NIPBL: variants seen among roughly 807,000 people sequenced by gnomAD.
The protein encoded by NIPBL is nipped-B-like protein.
A neutral mutation model predicts 321.8 loss-of-function variants in NIPBL; 19 were observed. The observed-to-expected ratio is 0.06, with a 90% CI of 0.04 to 0.09. The LOEUF is 0.09. Ranked by LOEUF, NIPBL falls within the 10% of genes least tolerant of loss-of-function variation. The pLI is 1.00. For synonymous variants in NIPBL, 1,106 were observed against 1,114.1 expected (o/e 0.99, Z 0.14); for missense variants, 2,210 against 3,327.0 (o/e 0.66, Z 8.26).
At chr5:36,886,783 C>G in intron 1 of NIPBL, among the ~76,000 whole-genome samples, 1 of 151,452 alleles carries the variant, frequency 6.6e-6, no homozygotes, top group East Asian at 1.9e-4. Context: ...GTTTCCTGCT[C>G]CTACTGCAGC....
chr5:36,995,565 A>G (rs1397849311), intron 10 of NIPBL, 57 bp from the exon 11 acceptor site: 1 of 1,234,390 alleles, frequency 8.1e-7, no homozygotes. Context: ...CTTAGTTAAA[A>G]TTTTCCTTTT....
intron 43 of NIPBL, among the ~76,000 whole-genome samples, 168 bp from the exon 44 acceptor site, chr5:37,058,723 A>G (rs1182533241): frequency 6.6e-6 from 1 of 152,190 alleles, no homozygotes; most frequent in Non-Finnish European, 1.5e-5. Context: ...AATTTTATTT[A>G]GTTTTAGAAA....
At chr5:36,923,777 A>G (rs904398793) in intron 1 of NIPBL, among the ~76,000 whole-genome samples, 7 of 152,202 alleles carry the variant, frequency 4.6e-5, no homozygotes, top group African/African-American at 1.7e-4. Context: ...AGGCCCAATC[A>G]ACACCCTGAG....
chr5:36,914,155 C>G (rs1561379319), intron 1 of NIPBL, among the ~76,000 whole-genome samples: 2 of 152,196 alleles, frequency 1.3e-5, no homozygotes, highest in Non-Finnish European at 2.9e-5. Flanking sequence ...TGAAATGACA[C>G]CCAGGTCATT....
At chr5:37,062,159 C>T (rs960222858) in intron 45 of NIPBL, among the ~76,000 whole-genome samples, 16 of 152,140 alleles carry the variant, frequency 1.1e-4, no homozygotes, top group African/African-American at 3.9e-4. Context: ...TTTATTGTGG[C>T]ATTTTCCAAA....
chr5:37,061,168 A>G (rs994136706), intron 45 of NIPBL, 150 bp downstream of exon 45: 2 of 635,618 alleles, frequency 3.1e-6, no homozygotes, highest in Non-Finnish European at 5.4e-6. Context: ...TATTTTAATG[A>G]GTTACTTTAA....
chr5:36,932,138 T>C (rs551253913), intron 1 of NIPBL, among the ~76,000 whole-genome samples: 3 of 152,218 alleles, frequency 2.0e-5, no homozygotes, highest in Non-Finnish European at 4.4e-5. Flanking sequence ...GTTGTAAATT[T>C]AATGAGATTT....
At chr5:36,879,756 A>T (rs931098060) in intron 1 of NIPBL, among the ~76,000 whole-genome samples, 1 of 152,144 alleles carries the variant, frequency 6.6e-6, no homozygotes, top group Non-Finnish European at 1.5e-5. Context: ...AGGAAATTTC[A>T]ACAATGTCGC....
At chr5:36,908,561 TACC>T (rs1247491269) in intron 1 of NIPBL, among the ~76,000 whole-genome samples, 10 of 152,170 alleles carry the variant, frequency 6.6e-5, no homozygotes, top group Middle Eastern at 3.2e-3. Context: ...GTAGAATTGG[TACC>T]ACAAGGAAAT....
intron 38 of NIPBL, among the ~76,000 whole-genome samples, chr5:37,047,529 A>G (rs936518938): frequency 2.0e-5 from 3 of 152,328 alleles, no homozygotes; most frequent in East Asian, 3.9e-4. Flanking sequence ...AATTGATGCA[A>G]TATTAACTTC....
chr5:37,024,505 C>T lies in NIPBL; in HGVS notation c.5575-80C>T, dbSNP rs1039052821. 6.7e-6 allele frequency: 8 copies of T among 1,189,602 alleles called. No homozygotes were observed. In the South Asian group the frequency reaches 6.7e-5, roughly 10 times the overall value. 73.7% of individuals were successfully genotyped at this position (1,189,602 alleles called of 1,614,324 possible). A position where few individuals can be genotyped will look rare whatever the true frequency, so the allele number is the denominator to read the frequency against. ...ATGTTAACAAATAGTGAATATACTG[C>T]GTATGGATACTTATTTTCTAATTTC... On this transcript the variant is annotated intron_variant, in intron 29 of 46. Coordinates refer to ENST00000282516, the MANE Select transcript of NIPBL (RefSeq NM_133433.4).
intron 1 of NIPBL, among the ~76,000 whole-genome samples, chr5:36,951,345 T>A (rs1191887019): frequency 6.6e-6 from 1 of 152,224 alleles, no homozygotes; most frequent in Admixed American, 6.5e-5. Flanking sequence ...CATATTACTC[T>A]CTTTAGGTTC....
intron 1 of NIPBL, among the ~76,000 whole-genome samples, chr5:36,884,124 A>G (rs1323753395): frequency 6.6e-6 from 1 of 152,008 alleles, no homozygotes; most frequent in East Asian, 1.9e-4. Context: ...ATTTAACTCT[A>G]CTAATCTTTT....
At chr5:36,920,015 G>T (rs969675558) in intron 1 of NIPBL, among the ~76,000 whole-genome samples, 1 of 151,820 alleles carries the variant, frequency 6.6e-6, no homozygotes, top group Non-Finnish European at 1.5e-5. Context: ...ATTTTTTATG[G>T]CAATAGTATT....
chr5:37,035,702 A>G (rs1192808085), intron 32 of NIPBL, among the ~76,000 whole-genome samples: 4 of 152,234 alleles, frequency 2.6e-5, no homozygotes, highest in African/African-American at 7.2e-5. Context: ...ATTTAACAGC[A>G]GTGGAACTCT....
At chr5:37,032,426 T>TGTGTA in intron 32 of NIPBL, among the ~76,000 whole-genome samples, 1 of 147,528 alleles carries the variant, frequency 6.8e-6, no homozygotes. Context: ...TGTGTGTGTG[T>TGTGTA]GTGTGTGTGT....
At chr5:36,958,021 C>A in intron 3 of NIPBL, 83 bp from the exon 4 acceptor site, 1 of 1,358,680 alleles carries the variant, frequency 7.4e-7, no homozygotes, top group Non-Finnish European at 1.0e-6. Context: ...TTGGCCATAC[C>A]AGTGTGATTT....
intron 38 of NIPBL, 106 bp downstream of exon 38, chr5:37,046,305 G>A: frequency 2.8e-6 from 2 of 727,134 alleles, no homozygotes; most frequent in African/African-American, 1.8e-5. Context: ...GTTTCTATTA[G>A]CAGTAGGATT....
At chr5:37,055,560 G>A (rs941472982) in intron 42 of NIPBL, among the ~76,000 whole-genome samples, 11 of 151,996 alleles carry the variant, frequency 7.2e-5, no homozygotes, top group African/African-American at 2.7e-4. Flanking sequence ...AGTCAAAGAG[G>A]TAGGAAGAGA....
Sources: allele counts gnomAD v4.1 joint callset (sites outside exome capture counted in the v4.1 genomes callset), GRCh38; gene constraint gnomAD v4.1.1; transcripts MANE v1.5; gene names NCBI Gene and HGNC (gene_info 2026-07-23, HGNC 2026-07-21).